VPS13C: variants seen among roughly 807,000 people sequenced by gnomAD.
The protein encoded by VPS13C is intermembrane lipid transfer protein VPS13C.
In VPS13C, 358 loss-of-function variants were observed where a neutral mutation model predicts 456.8. That is an observed-to-expected ratio of 0.78 (90% CI 0.72 to 0.86). The LOEUF is 0.86. VPS13C is among the 40% of genes least tolerant of loss of function. The pLI is 0.00. For synonymous variants in VPS13C, 1,578 were observed against 1,486.7 expected, an observed-to-expected ratio of 1.06 and a Z score of -1.41; for missense variants, 4,818 against 4,385.4, an observed-to-expected ratio of 1.10 and a Z score of -2.79.
chr15:61,982,592 A>G lies in VPS13C; in HGVS notation c.1915-19T>C. 6.4e-7 allele frequency: 1 copy of G among 1,565,886 alleles called. No homozygotes were observed. Among genetic ancestry groups the G allele is most frequent in the Non-Finnish European group, 8.7e-7 (1 of 1,151,156 alleles). On this transcript the variant is annotated intron_variant, in intron 20 of 84. Transcript: ENST00000644861. ...CAGTTTTCTATAAGAAAATTTTTTT[A>G]ACATAACCAAGTTACACATGGTTCT... is the stretch of plus-strand genomic sequence containing the variant.
intron 45 of VPS13C, among the ~76,000 whole-genome samples, chr15:61,944,191 G>A (rs192752095): frequency 2.0e-5 from 3 of 152,208 alleles, no homozygotes; most frequent in Admixed American, 2.0e-4. Context: ...AACTATTCAT[G>A]CAAATCTATT....
At position 61,961,720 on chromosome 15, in the gene VPS13C, G is replaced by C. The variant is rs36089949; in HGVS notation, c.3777C>G (p.Thr1259=). 769 of 1,614,004 alleles carry C rather than the reference G, an allele frequency of 4.8e-4. 1 individual carries two copies. The African/African-American group carries it at 8.9e-3, about 19-fold the overall frequency. Residue 1259 remains threonine, a synonymous_variant, in exon 35 of 85, where the codon ACC becomes ACG. Transcript: ENST00000644861. ...VIVIPQSSIS[T]NAVVVDLGLI... Reference sequence around the variant, plus strand: ...ACCCAAGATCTACCACTACTGCATTGGTGGAAATAGAAGACTGTGGGATGA... The same window carrying C: ...ACCCAAGATCTACCACTACTGCATTCGTGGAAATAGAAGACTGTGGGATGA...
At chr15:62,019,495 T>C (rs2047378775) in intron 9 of VPS13C, among the ~76,000 whole-genome samples, 1 of 152,172 alleles carries the variant, frequency 6.6e-6, no homozygotes, top group Non-Finnish European at 1.5e-5. Flanking sequence ...TGTGTCTTTG[T>C]TCTCGTTGGT....
chr15:62,000,518 G>C (rs1281901157), intron 16 of VPS13C, 46 bp downstream of exon 16: 1 of 1,528,056 alleles, frequency 6.5e-7, no homozygotes, highest in Non-Finnish European at 9.0e-7. Context: ...TTAAAAGCGG[G>C]CATTAACATG....
chr15:61,890,449 T>C, intron 66 of VPS13C, 49 bp from the exon 67 acceptor site: 1 of 1,494,948 alleles, frequency 6.7e-7, no homozygotes, highest in Non-Finnish European at 9.2e-7. Context: ...AACTTGTTAT[T>C]ATATAAAATT....
intron 16 of VPS13C, 90 bp from the exon 17 acceptor site, chr15:61,991,892 T>C: frequency 7.2e-7 from 1 of 1,397,480 alleles, no homozygotes. Context: ...ATGGTTCTTT[T>C]TTTTTTTTTA....
chr15:61,884,698 TTC>T (rs1896140300), intron 67 of VPS13C, among the ~76,000 whole-genome samples: 3 of 151,712 alleles, frequency 2.0e-5, no homozygotes, highest in African/African-American at 7.3e-5. Context: ...AAAAAAAAAC[TTC>T]TTTTGTGAAA....
At chr15:61,933,077 T>C (rs1317605907) in intron 49 of VPS13C, among the ~76,000 whole-genome samples, 1 of 152,084 alleles carries the variant, frequency 6.6e-6, no homozygotes, top group Non-Finnish European at 1.5e-5. Context: ...AAGAAGAGTT[T>C]CAAATAAAGC....
intron 18 of VPS13C, among the ~76,000 whole-genome samples, chr15:61,989,167 G>A (rs2046147895): frequency 6.6e-6 from 1 of 151,898 alleles, no homozygotes; most frequent in Non-Finnish European, 1.5e-5. Context: ...AAGGCAAGCA[G>A]GTCGCTTGAG....
At chr15:61,937,267 C>A (rs1342726876) in intron 47 of VPS13C, among the ~76,000 whole-genome samples, 1 of 152,100 alleles carries the variant, frequency 6.6e-6, no homozygotes, top group Non-Finnish European at 1.5e-5. Context: ...AAGAATAATA[C>A]CATTTAGAAC....
At chr15:61,948,303 T>A (rs542728092) in intron 42 of VPS13C, among the ~76,000 whole-genome samples, 4 of 152,206 alleles carry the variant, frequency 2.6e-5, no homozygotes, top group African/African-American at 9.7e-5. Context: ...AGGCTATTAA[T>A]GTGACAAGTA....
rs752545137 is a variant in VPS13C at position 61,946,296 on chromosome 15, T to C, written c.4980+11A>G. 6.4e-7 allele frequency: 1 copy of C among 1,563,286 alleles called. No homozygotes were observed. Among genetic ancestry groups the C allele is most frequent in the Non-Finnish European group, 8.6e-7 (1 of 1,159,660 alleles). The stretch of plus-strand genomic sequence containing the variant: ...AATAAATTCCAATATAAAAATCTAT[T>C]TTTTAATCACCTTTTTGTGAATGGA... On this transcript the variant is annotated intron_variant, in intron 44 of 84. Coordinates refer to ENST00000644861, the MANE Select transcript of VPS13C (RefSeq NM_020821.3).
At chr15:61,962,241 C>T in intron 34 of VPS13C, 130 bp downstream of exon 34, 2 of 797,150 alleles carry the variant, frequency 2.5e-6, no homozygotes, top group South Asian at 2.7e-5. Context: ...TTGATCTCTA[C>T]ATTCACGCAT....
At chr15:62,003,178 G>A (rs377466162) in intron 15 of VPS13C, among the ~76,000 whole-genome samples, 10 of 151,778 alleles carry the variant, frequency 6.6e-5, no homozygotes, top group Admixed American at 2.6e-4. Flanking sequence ...ATTTGTTTGT[G>A]TCCTCTTTTA....
chr15:62,032,466 A>T (rs2047851669), intron 5 of VPS13C, among the ~76,000 whole-genome samples: 1 of 151,826 alleles, frequency 6.6e-6, no homozygotes, highest in African/African-American at 2.4e-5. Context: ...TGTATTTTTA[A>T]ATAGTTTAGT....
chr15:61,954,316 T>C lies in VPS13C; in HGVS notation c.4299+105A>G. 1.2e-5 allele frequency: 15 copies of C among 1,279,074 alleles called. No individual in the cohort carries two copies. In the South Asian group the frequency reaches 2.0e-4, roughly 17 times the overall value. The allele number at this position is 1,279,074 out of a possible 1,614,324, so 79.2% of individuals were successfully genotyped here. ...CACTGCTACATGTGAACAGCCCACA[T>C]AGATTTTTTTCATCAGTATCAATTA... On this transcript the variant is annotated intron_variant, in intron 38 of 84. Transcript: ENST00000644861.
intron 15 of VPS13C, among the ~76,000 whole-genome samples, chr15:62,002,488 TA>T (rs1260260187): frequency 6.6e-6 from 1 of 152,172 alleles, no homozygotes; most frequent in Non-Finnish European, 1.5e-5. Context: ...ACTCTGATGG[TA>T]GTTTCTTTTG....
intron 66 of VPS13C, among the ~76,000 whole-genome samples, chr15:61,905,938 T>C (rs2043140773): frequency 6.6e-6 from 1 of 152,218 alleles, no homozygotes; most frequent in South Asian, 2.1e-4. Flanking sequence ...CATGTCTTTA[T>C]AACTTAGTTG....
In VPS13C at chr15:61,978,616, A is replaced by G; in HGVS notation, c.2290+10T>C. The G allele has an allele frequency of 6.2e-7, 1 of 1,609,710 alleles. No homozygotes were observed. Among genetic ancestry groups the G allele is most frequent in the Non-Finnish European group, 8.5e-7 (1 of 1,178,250 alleles). On this transcript the variant is annotated intron_variant, in intron 23 of 84. Transcript: ENST00000644861. ...AATCCCAAGATCCTAAAAGCTGAAT[A>G]ACGGTTTACCTGCTCTTGCAAAAAG...
Sources: gnomAD v4.1 joint callset for allele counts (sites outside exome capture counted in the v4.1 genomes callset) on GRCh38, gnomAD v4.1.1 for gene constraint, MANE v1.5 for transcripts, NCBI Gene and HGNC (gene_info 2026-07-23, HGNC 2026-07-21) for gene names.